FGD5: variants seen among roughly 807,000 people sequenced by gnomAD.
FGD5 encodes FYVE, RhoGEF and PH domain containing 5.
FGD5 carries 28 observed loss-of-function variants against 133.4 expected under a neutral mutation model. The ratio of observed to expected loss-of-function variants is 0.21; its 90% confidence interval spans 0.16 to 0.29. The LOEUF (loss-of-function observed/expected upper bound fraction) is 0.29. FGD5 is among the 10% of genes least tolerant of loss of function. The pLI is 1.00. For synonymous variants in FGD5, 810 were observed against 776.5 expected, an observed-to-expected ratio of 1.04 and a Z score of -0.72; for missense variants, 1,858 against 1,895.2, an observed-to-expected ratio of 0.98 and a Z score of 0.36.
chr3:14,829,270 C>A (rs2036660795), intron 1 of FGD5, among the ~76,000 whole-genome samples: 1 of 152,138 alleles, frequency 6.6e-6, no homozygotes, highest in Non-Finnish European at 1.5e-5. Flanking sequence ...ATCAGTGTGA[C>A]AAGTGTGTAC....
rs1019202484 is a variant in FGD5 at position 14,884,723 on chromosome 3, G to A, written c.2748+3951G>A. Among the ~76,000 whole-genome samples, 13 of 152,140 alleles carry A rather than the reference G, an allele frequency of 8.5e-5. No homozygotes were observed. The South Asian group carries it at 2.5e-3, about 29-fold the overall frequency. On this transcript the variant is annotated intron_variant, in intron 4 of 19. Transcript: ENST00000285046. The stretch of plus-strand genomic sequence containing the variant: ...GCCTCAGCTGGAAGACTTAAAGACC[G>A]GGGGTGACCTGATGGCTAGGAGCTG...
chr3:14,832,219 C>T (rs1243615101), intron 1 of FGD5, among the ~76,000 whole-genome samples: 2 of 152,182 alleles, frequency 1.3e-5, no homozygotes, highest in Non-Finnish European at 2.9e-5. Context: ...AGAATATTGT[C>T]AACCTTGTAC....
intron 13 of FGD5, among the ~76,000 whole-genome samples, chr3:14,921,026 C>T (rs962541393): frequency 1.3e-5 from 2 of 152,210 alleles, no homozygotes; most frequent in Admixed American, 6.5e-5. Flanking sequence ...TCTGTTAGTC[C>T]GGCCATGACT....
At chr3:14,889,827 A>G (rs2037991261) in intron 4 of FGD5, among the ~76,000 whole-genome samples, 1 of 152,058 alleles carries the variant, frequency 6.6e-6, no homozygotes, top group South Asian at 2.1e-4. Context: ...TTTATTAGCC[A>G]TTTGGGAACG....
intron 1 of FGD5, among the ~76,000 whole-genome samples, chr3:14,840,572 C>T (rs916514468): frequency 6.6e-6 from 1 of 152,118 alleles, no homozygotes; most frequent in African/African-American, 2.4e-5. Flanking sequence ...TCAGCACAGG[C>T]AGATCCACTC....
chr3:14,891,107 G>GT (rs2038017317), intron 4 of FGD5, among the ~76,000 whole-genome samples: 2 of 152,224 alleles, frequency 1.3e-5, no homozygotes, highest in South Asian at 4.1e-4. Flanking sequence ...ATACAGGGCT[G>GT]TTTTTCTTTC....
At chr3:14,925,981 A>G (rs558410234) in intron 17 of FGD5, 89 bp from the exon 18 acceptor site, 291 of 1,545,292 alleles carry the variant, frequency 1.9e-4, no homozygotes, top group Non-Finnish European at 2.4e-4. Flanking sequence ...AGTCAGCCAA[A>G]TGGTTTGCAG....
Position 14,880,519 on chromosome 3 carries a change from C to T in FGD5, c.2659-53C>T, listed in dbSNP as rs2037804438. On this transcript the variant is annotated intron_variant, in intron 2 of 19. Coordinates refer to ENST00000285046, the MANE Select transcript of FGD5 (RefSeq NM_152536.4). ...TTGCCTCCAGCAGCATGGTGGCCTC[C>T]TCTAGAAACCACTGATGCCTGTCCC... 3 of 1,583,902 alleles carry T rather than the reference C, an allele frequency of 1.9e-6. No homozygotes were observed. The South Asian group carries it at 3.4e-5, about 18-fold the overall frequency.
chr3:14,876,027 C>T (rs1255178062), intron 2 of FGD5, among the ~76,000 whole-genome samples: 7 of 152,114 alleles, frequency 4.6e-5, no homozygotes, highest in Non-Finnish European at 1.0e-4. Flanking sequence ...TCTTAAAGGC[C>T]GAGCAGGTGT....
chr3:14,917,230 A>G lies in FGD5; in HGVS notation c.3406-19A>G. 6.2e-7 allele frequency: 1 copy of G among 1,609,998 alleles called. No individual in the cohort carries two copies. Among genetic ancestry groups the G allele is most frequent in the Non-Finnish European group, 8.5e-7 (1 of 1,177,914 alleles). On this transcript the variant is annotated intron_variant, in intron 11 of 19. Coordinates refer to ENST00000285046, the MANE Select transcript of FGD5 (RefSeq NM_152536.4). This position sits in a 1 kb window ranked among gnomAD's most constrained non-coding sequence, Gnocchi z 4.1. ...CCTTCTGGGGCCAGGGTCCTCTCATAGGGTTTCCCTCTCTCCAGATGAACG... is the reference window on the plus strand; with the variant it reads ...CCTTCTGGGGCCAGGGTCCTCTCATGGGGTTTCCCTCTCTCCAGATGAACG...
chr3:14,816,621 C>G (rs1004551743), upstream of FGD5, among the ~76,000 whole-genome samples: 11 of 152,160 alleles, frequency 7.2e-5, no homozygotes, highest in Non-Finnish European at 1.3e-4. Flanking sequence ...TCCAAAGGCT[C>G]CCTCTGTTAC....
chr3:14,908,056 A>G (rs968329086), intron 10 of FGD5, among the ~76,000 whole-genome samples: 4 of 152,216 alleles, frequency 2.6e-5, no homozygotes, highest in African/African-American at 9.6e-5. Context: ...CCAAGAGCAA[A>G]CCCTTAGAAA....
At chr3:14,825,638 A>G (rs962719176) in intron 1 of FGD5, among the ~76,000 whole-genome samples, 1 of 152,084 alleles carries the variant, frequency 6.6e-6, no homozygotes, top group Non-Finnish European at 1.5e-5. Flanking sequence ...GACAGAGCAG[A>G]CCCTGATTCA....
chr3:14,902,900 G>A (rs186639867), intron 9 of FGD5, among the ~76,000 whole-genome samples: 1 of 152,166 alleles, frequency 6.6e-6, no homozygotes, highest in African/African-American at 2.4e-5. Flanking sequence ...AGGAGGAACC[G>A]GAGCAGCCGA....
intron 1 of FGD5, among the ~76,000 whole-genome samples, chr3:14,825,442 C>A (rs2036581946): frequency 6.6e-6 from 1 of 150,492 alleles, no homozygotes; most frequent in Admixed American, 6.6e-5. Context: ...CCCATCTCTA[C>A]ATATACACTC....
At chr3:14,931,340 T>TA (rs777950937) in intron 18 of FGD5, 1 of 152,144 alleles carries the variant, frequency 6.6e-6, no homozygotes, top group African/African-American at 2.4e-5. Context: ...CCTTTTATTT[T>TA]AAAAAAATAT....
chr3:14,814,111 G>A (rs545812500), upstream of FGD5, among the ~76,000 whole-genome samples: 3 of 152,188 alleles, frequency 2.0e-5, no homozygotes, highest in South Asian at 4.2e-4. Context: ...GGTGAGGAGG[G>A]TCCGACCCCC....
Position 14,821,474 on chromosome 3 carries a change from G to A in FGD5, c.2403G>A (p.Thr801=), listed in dbSNP as rs772362250. The A allele has an allele frequency of 1.1e-5, 17 of 1,613,908 alleles. No individual in the cohort carries two copies. Among genetic ancestry groups the A allele is most frequent in the African/African-American group, 6.7e-5 (5 of 74,934 alleles). ...GACCTGCCAGGGCTGGCGCGTTCAC[G>A]AAGCTGTTTGAAGATCAGAGCAGAG... ...PRRPARAGAF[T]KLFEDQSRAL... is the part of the protein sequence containing the mutation. Residue 801 remains threonine (T), a synonymous_variant, in exon 1 of 20, where the codon ACG becomes ACA. Transcript: ENST00000285046.
chr3:14,900,990 T>C lies in FGD5; in HGVS notation c.3206-13T>C. On this transcript the variant is annotated splice_polypyrimidine_tract_variant and intron_variant, in intron 8 of 19. Transcript: ENST00000285046. ...TTGCAATGGCCCAACTCCTGCTCTG[T>C]GTCCCTCCCCAGGTGCACTGAGCCT... 6.2e-7 allele frequency: 1 copy of C among 1,614,002 alleles called. No individual in the cohort carries two copies. The highest frequency in any genetic ancestry group is 8.5e-7 in the Non-Finnish European group (1 of 1,179,858).
Sources: gnomAD v4.1 joint callset for allele counts (sites outside exome capture counted in the v4.1 genomes callset) on GRCh38, gnomAD v4.1.1 for gene constraint, Gnocchi (gnomAD v3.1) non-coding constraint, MANE v1.5 for transcripts, NCBI Gene and HGNC (gene_info 2026-07-23, HGNC 2026-07-21) for gene names.